Variants in INSR observed in about 807,000 individuals in gnomAD.
INSR encodes IR.
In INSR, 67 loss-of-function variants were observed where a neutral mutation model predicts 142.6. That is an observed-to-expected ratio of 0.47 (90% CI 0.39 to 0.58). The LOEUF is 0.58. Among genes scored for constraint, INSR ranks in the 20% least tolerant of loss-of-function variants. The probability of loss-of-function intolerance (pLI) is 0.00; values close to 1 mark genes in which losing one functional copy is unlikely to be tolerated. For missense variants in INSR, 1,248 were observed against 1,833.2 expected, an observed-to-expected ratio of 0.68 and a Z score of 5.83; for synonymous variants, 756 against 743.1, an observed-to-expected ratio of 1.02 and a Z score of -0.28.
rs1246274348 is a variant in INSR, at chr19:7,125,172, G to T, written c.3258+111C>A. 3.9e-6 allele frequency: 5 copies of T among 1,288,486 alleles called. No homozygotes were observed. Among genetic ancestry groups the T allele is most frequent in the Non-Finnish European group, 5.5e-6 (5 of 904,354 alleles). 79.8% of individuals were successfully genotyped at this position (1,288,486 alleles called of 1,614,324 possible). A position where few individuals can be genotyped will look rare whatever the true frequency, so the allele number is the denominator to read the frequency against. On this transcript the variant is annotated intron_variant, in intron 17 of 21. Coordinates refer to ENST00000302850, the MANE Select transcript of INSR (RefSeq NM_000208.4). The surrounding 1 kb of genome is among the most constrained non-coding windows in gnomAD (Gnocchi z 4.9). Reference sequence around the variant, plus strand: ...GGATGGGAAGCTTAGTGGAGTGAGGGGTGGGTAGGAGGTTACACCCTGTGT... The same window carrying T: ...GGATGGGAAGCTTAGTGGAGTGAGGTGTGGGTAGGAGGTTACACCCTGTGT...
At chr19:7,264,868 C>A (rs550100325) in intron 2 of INSR, among the ~76,000 whole-genome samples, 9 of 152,326 alleles carry the variant, frequency 5.9e-5, no homozygotes, top group Admixed American at 5.9e-4. Flanking sequence ...ATCCCACTCC[C>A]GATTTCCAAC....
intron 2 of INSR, among the ~76,000 whole-genome samples, chr19:7,185,858 A>AAAAAAAAG (rs1555747112): frequency 3.7e-5 from 5 of 133,970 alleles, no homozygotes; most frequent in Non-Finnish European, 6.2e-5. Flanking sequence ...AAAAAAAAAA[A>AAAAAAAAG]AGAGAGAGAG....
At chr19:7,185,255 T>C (rs1049406717) in intron 2 of INSR, among the ~76,000 whole-genome samples, 6 of 148,270 alleles carry the variant, frequency 4.0e-5, no homozygotes, top group Non-Finnish European at 6.1e-5. Context: ...GTTTAACAAA[T>C]GGCTCACAAA....
chr19:7,113,180 C>T lies in INSR; in HGVS notation c.*3876G>A, dbSNP rs567171513. 20 of 152,266 alleles carry T rather than the reference C, an allele frequency of 1.3e-4. No homozygotes were observed. The highest frequency in any genetic ancestry group is 3.9e-4 in the East Asian group (2 of 5,190). The allele number at this position is 152,266 out of a possible 1,614,324, so 9.4% of individuals were successfully genotyped here. ...ACCAGCGCAAGTCATATGCTGATGACGCTCCTGCTCTTTCACACGTGTTAC... is the reference window on the plus strand; with the variant it reads ...ACCAGCGCAAGTCATATGCTGATGATGCTCCTGCTCTTTCACACGTGTTAC... On this transcript the variant is annotated 3_prime_UTR_variant, in exon 22 of 22. Transcript: ENST00000302850.
intron 2 of INSR, among the ~76,000 whole-genome samples, chr19:7,219,566 GGAAGGAAGGAAGGGAGGGAAGAGAGAGA>G (rs1482113861): frequency 8.8e-5 from 10 of 114,212 alleles, no homozygotes; most frequent in Non-Finnish European, 1.8e-4. Context: ...GGAGAGAGAA[GGAAGGAAGGAAGGGAGGGAAGAGAGAGA>G]GAAGGAAGGA....
intron 1 of INSR, among the ~76,000 whole-genome samples, chr19:7,285,180 G>T (rs552271223): frequency 1.3e-5 from 2 of 152,116 alleles, no homozygotes; most frequent in Non-Finnish European, 2.9e-5. Context: ...GCCGGGCACA[G>T]TGGCTCGCGC....
intron 2 of INSR, among the ~76,000 whole-genome samples, chr19:7,198,880 C>G (rs965632113): frequency 7.4e-6 from 1 of 134,678 alleles, no homozygotes; most frequent in African/African-American, 2.7e-5. Flanking sequence ...AACATTCACC[C>G]CCATAAATAC....
intron 1 of INSR, among the ~76,000 whole-genome samples, chr19:7,274,022 C>A (rs1306024525): frequency 1.3e-5 from 2 of 151,946 alleles, no homozygotes; most frequent in African/African-American, 4.8e-5. Context: ...ATAATTCCCA[C>A]ATATAATCAA....
chr19:7,175,202 T>G lies in INSR; in HGVS notation c.975-471A>C, dbSNP rs79969513. On this transcript the variant is annotated intron_variant, in intron 3 of 21. Transcript: ENST00000302850. ...GTCTGCCGATCTGCAATAGGACATATCGCTTGATTGTTAAAAATGTAGATT... is the reference window on the plus strand; with the variant it reads ...GTCTGCCGATCTGCAATAGGACATAGCGCTTGATTGTTAAAAATGTAGATT... Among the ~76,000 whole-genome samples the G allele has an allele frequency of 3.2e-3, 490 of 152,070 alleles. 3 individuals are homozygous for G. Among genetic ancestry groups the G allele is most frequent in the South Asian group, 0.017 (81 of 4,814 alleles).
intron 13 of INSR, among the ~76,000 whole-genome samples, chr19:7,136,948 T>A (rs1471351827): frequency 6.6e-6 from 1 of 151,796 alleles, no homozygotes; most frequent in Non-Finnish European, 1.5e-5. Context: ...TTCTCTTGTC[T>A]TAGCCTCCCG....
In INSR at chr19:7,122,505, G is replaced by A. The variant is rs1024497092; in HGVS notation, c.3529+109C>T. ...CCCACAAAAAAAAAAGAAGTATCTT[G>A]CCCCTTTATATTATCAGAAAAGACT... On this transcript the variant is annotated intron_variant, in intron 19 of 21. Coordinates refer to ENST00000302850, the MANE Select transcript of INSR (RefSeq NM_000208.4). 7.9e-6 allele frequency: 9 copies of A among 1,139,134 alleles called. 1 individual carries two copies. Among genetic ancestry groups the A allele is most frequent in the Non-Finnish European group, 1.1e-5 (8 of 757,730 alleles). The allele number at this position is 1,139,134 out of a possible 1,614,324, so 70.6% of individuals were successfully genotyped here.
chr19:7,233,846 T>C (rs1976075090), intron 2 of INSR, among the ~76,000 whole-genome samples: 1 of 151,132 alleles, frequency 6.6e-6, no homozygotes, highest in South Asian at 2.1e-4. Context: ...CGGCTAATTT[T>C]TTTGTATTTT....
At chr19:7,235,797 A>T (rs952637921) in intron 2 of INSR, among the ~76,000 whole-genome samples, 2 of 152,074 alleles carry the variant, frequency 1.3e-5, no homozygotes, top group African/African-American at 4.8e-5. Context: ...AGTGAACTCC[A>T]GCCTGGGCAA....
chr19:7,248,642 T>A (rs939720547), intron 2 of INSR, among the ~76,000 whole-genome samples: 13 of 150,696 alleles, frequency 8.6e-5, no homozygotes, highest in Non-Finnish European at 1.2e-4. Context: ...TCATAAATAT[T>A]CTAATGTCCT....
At chr19:7,208,507 C>T (rs554810091) in intron 2 of INSR, among the ~76,000 whole-genome samples, 47 of 152,278 alleles carry the variant, frequency 3.1e-4, no homozygotes, top group African/African-American at 1.1e-3. Context: ...ACCACACACA[C>T]GTGCACAGGC....
intron 13 of INSR, among the ~76,000 whole-genome samples, chr19:7,140,223 G>C (rs768824480): frequency 1.4e-4 from 21 of 152,174 alleles, no homozygotes; most frequent in Non-Finnish European, 2.8e-4. Context: ...GGTCCACCTG[G>C]TTATAGGAGG....
At chr19:7,197,606 C>A (rs1442566256) in intron 2 of INSR, among the ~76,000 whole-genome samples, 3 of 105,162 alleles carry the variant, frequency 2.9e-5, no homozygotes. Context: ...GTGTCAGATT[C>A]CAGAGTGGGA....
intron 2 of INSR, among the ~76,000 whole-genome samples, chr19:7,185,852 A>C (rs1974413502): frequency 6.9e-6 from 1 of 144,054 alleles, no homozygotes; most frequent in South Asian, 2.2e-4. Flanking sequence ...AAAAAAAAAA[A>C]AAAAAAAGAG....
rs530955658 is a variant in INSR, at chr19:7,267,508, G to A, written c.489C>T (p.Ile163=). ...TGTAATTATCCTCCACGGAATCCAG[G>A]ATACGGGACCAGTCGATAGTGGCCA... The part of the protein sequence containing the change: ...CYLATIDWSR[I]LDSVEDNYIV... The change falls in exon 2 of 22, where the codon ATC becomes ATT. Residue 163 remains isoleucine (I), a synonymous_variant. Transcript: ENST00000302850. The surrounding 1 kb of genome is among the most constrained non-coding windows in gnomAD (Gnocchi z 6.3). 1.2e-6 allele frequency: 2 copies of A among 1,614,084 alleles called. No individual in the cohort carries two copies. Among genetic ancestry groups the A allele is most frequent in the South Asian group, 2.2e-5 (2 of 91,068 alleles).
Sources: allele counts gnomAD v4.1 joint callset (sites outside exome capture counted in the v4.1 genomes callset), GRCh38; gene constraint gnomAD v4.1.1; non-coding constraint Gnocchi (gnomAD v3.1); transcripts MANE v1.5; gene names NCBI Gene and HGNC (gene_info 2026-07-23, HGNC 2026-07-21).